DENND11: variants seen among roughly 807,000 people sequenced by gnomAD.
DENND11 encodes DENN domain-containing protein 11.
In DENND11, 34 loss-of-function variants were observed where a neutral mutation model predicts 49.2. That is an observed-to-expected ratio of 0.69 (90% CI 0.53 to 0.92). The LOEUF is 0.92. Ranked by LOEUF, DENND11 falls within the 40% of genes least tolerant of loss-of-function variation. The pLI is 0.00. For missense variants in DENND11, 475 were observed against 581.6 expected (o/e 0.82, Z 1.88); for synonymous variants, 238 against 230.3 (o/e 1.03, Z -0.30).
chr7:141,666,163 G>A, intron 5 of DENND11, 124 bp downstream of exon 5: 2 of 1,049,838 alleles, frequency 1.9e-6, no homozygotes, highest in Non-Finnish European at 1.3e-6. Flanking sequence ...GTTCACTCCC[G>A]GGCTTAAAAC....
chr7:141,669,849 G>A (rs377413455), intron 4 of DENND11, among the ~76,000 whole-genome samples: 41 of 123,264 alleles, frequency 3.3e-4, no homozygotes, highest in East Asian at 9.6e-4. Context: ...TCTCGCTGTC[G>A]CCCAGGCTGG....
chr7:141,670,654 T>C (rs928879193), intron 4 of DENND11, among the ~76,000 whole-genome samples: 2 of 152,214 alleles, frequency 1.3e-5, no homozygotes, highest in Admixed American at 1.3e-4. Flanking sequence ...TTTGATGGGA[T>C]TATGGCTTCT....
intron 5 of DENND11, among the ~76,000 whole-genome samples, 180 bp from the exon 6 acceptor site, chr7:141,665,498 C>T (rs1014114595): frequency 2.6e-5 from 4 of 152,112 alleles, no homozygotes; most frequent in Admixed American, 2.6e-4. Flanking sequence ...AGAAACTGAC[C>T]CCTCAAGGTG....
intron 4 of DENND11, among the ~76,000 whole-genome samples, chr7:141,672,845 A>G (rs1798004099): frequency 6.6e-6 from 1 of 152,272 alleles, no homozygotes; most frequent in Non-Finnish European, 1.5e-5. Flanking sequence ...TCCAACTCCT[A>G]TATTACTGAT....
intron 4 of DENND11, among the ~76,000 whole-genome samples, chr7:141,669,654 A>G (rs916071260): frequency 6.0e-5 from 9 of 150,914 alleles, no homozygotes; most frequent in Non-Finnish European, 1.5e-5. Context: ...AAAAAGCTTA[A>G]AGATATATAT....
rs761380648 is a variant in DENND11, at chr7:141,686,634, G to T, written c.293C>A (p.Pro98His). ...AACACCTTCAAGGTCAATATCTTGA[G>T]GTAAGCACCATTCTACCATGTTTCC... ...RSGNMVEWCL[P>H]QDIDLEGVEF... The change falls in exon 2 of 9, where the codon CCT (proline) becomes CAT (histidine). Residue 98 changes from proline (P) to histidine (H), a missense_variant. Physicochemically the swap from Pro to His is moderately conservative, Grantham distance 77. Coordinates refer to ENST00000536163, the MANE Select transcript of DENND11 (RefSeq NM_001080392.2). The T allele has an allele frequency of 6.2e-7, 1 of 1,612,024 alleles. No homozygotes were observed. The highest frequency in any genetic ancestry group is 1.1e-5 in the South Asian group (1 of 90,694).
At chr7:141,679,938 G>A (rs1441775136) in intron 3 of DENND11, among the ~76,000 whole-genome samples, 1 of 152,162 alleles carries the variant, frequency 6.6e-6, no homozygotes, top group Non-Finnish European at 1.5e-5. Context: ...ACGTTGAGGT[G>A]AAACAGGCAT....
chr7:141,695,979 C>T (rs771648354), intron 1 of DENND11, among the ~76,000 whole-genome samples: 20 of 152,220 alleles, frequency 1.3e-4, no homozygotes, highest in Non-Finnish European at 1.9e-4. Flanking sequence ...CTTGGCAGCA[C>T]GGTGCCTGCC....
At chr7:141,669,962 C>T (rs1394354997) in intron 4 of DENND11, among the ~76,000 whole-genome samples, 2 of 151,124 alleles carry the variant, frequency 1.3e-5, no homozygotes, top group Non-Finnish European at 2.9e-5. Flanking sequence ...AGGCGCCCGC[C>T]ACCTCGCCCG....
intron 1 of DENND11, among the ~76,000 whole-genome samples, 172 bp from the exon 2 acceptor site, chr7:141,686,830 G>A (rs796492273): frequency 1.3e-4 from 20 of 152,240 alleles, no homozygotes; most frequent in African/African-American, 2.9e-4. Context: ...GGGTGACGCC[G>A]GAGGACGTGG....
chr7:141,693,645 A>T (rs935684733), intron 1 of DENND11, among the ~76,000 whole-genome samples: 5 of 152,226 alleles, frequency 3.3e-5, no homozygotes, highest in African/African-American at 4.8e-5. Context: ...CCATACAAGG[A>T]AATACTCTAT....
In DENND11 at chr7:141,665,207, A is replaced by G. The variant is rs777676969; in HGVS notation, c.932T>C (p.Val311Ala). The change falls in exon 6 of 9, where the codon GTA becomes GCA. Residue 311 changes from valine (V) to alanine (A), a missense_variant. Coordinates refer to ENST00000536163, the MANE Select transcript of DENND11 (RefSeq NM_001080392.2). ...CTCACAGGCCACATAGGACACCTCTACCTCCAGGCTCTCGATGTCAGCCAC... is the reference window on the plus strand; with the variant it reads ...CTCACAGGCCACATAGGACACCTCTGCCTCCAGGCTCTCGATGTCAGCCAC... ...VNVADIESLE[V>A]EVSYVACTTE... 1.9e-6 allele frequency: 3 copies of G among 1,612,544 alleles called. No homozygotes were observed. In the South Asian group the frequency reaches 3.3e-5, roughly 18 times the overall value.
At chr7:141,677,695 T>G (rs973401723) in intron 3 of DENND11, among the ~76,000 whole-genome samples, 1 of 151,784 alleles carries the variant, frequency 6.6e-6, no homozygotes, top group African/African-American at 2.4e-5. Flanking sequence ...TCTGATCTAA[T>G]GATTCTCCTT....
At chr7:141,665,814 C>G (rs186864015) in intron 5 of DENND11, among the ~76,000 whole-genome samples, 47 of 151,872 alleles carry the variant, frequency 3.1e-4, no homozygotes, top group African/African-American at 1.0e-3. Flanking sequence ...AGGTCCCGAC[C>G]CAGCTAGGCA....
At chr7:141,670,176 G>A (rs1797958797) in intron 4 of DENND11, among the ~76,000 whole-genome samples, 1 of 151,932 alleles carries the variant, frequency 6.6e-6, no homozygotes, top group South Asian at 2.1e-4. Flanking sequence ...GTACATGTAA[G>A]CCTTGCCCTA....
chr7:141,667,168 A>G (rs550714035), intron 4 of DENND11, among the ~76,000 whole-genome samples: 54 of 152,210 alleles, frequency 3.5e-4, no homozygotes, highest in Non-Finnish European at 6.2e-4. Context: ...TGATTCGCCC[A>G]CCTTGGCCTC....
At chr7:141,689,958 G>A (rs1235818164) in intron 1 of DENND11, among the ~76,000 whole-genome samples, 3 of 152,238 alleles carry the variant, frequency 2.0e-5, no homozygotes, top group African/African-American at 7.2e-5. Flanking sequence ...AACGGGCACT[G>A]CTGTAAACAA....
chr7:141,687,041 T>G (rs1798254409), intron 1 of DENND11, among the ~76,000 whole-genome samples: 1 of 152,224 alleles, frequency 6.6e-6, no homozygotes, highest in African/African-American at 2.4e-5. Context: ...GAGATCTTGA[T>G]TCTATCTATA....
chr7:141,666,451 G>A (rs774884739), intron 4 of DENND11, 26 bp from the exon 5 acceptor site: 2 of 1,536,826 alleles, frequency 1.3e-6, no homozygotes, highest in Non-Finnish European at 1.8e-6. Flanking sequence ...GGAATAGGGA[G>A]GAGAAAGAGT....
Sources: gnomAD v4.1 joint callset for allele counts (sites outside exome capture counted in the v4.1 genomes callset) on GRCh38, gnomAD v4.1.1 for gene constraint, MANE v1.5 for transcripts, NCBI Gene and HGNC (gene_info 2026-07-23, HGNC 2026-07-21) for gene names.